The following GNG7 variants were observed in gnomAD, a reference collection of about 807,000 sequenced individuals.
GNG7 encodes the protein G protein subunit gamma 7, also known as guanine nucleotide-binding protein G(I)/G(S)/G(O) subunit gamma-7.
Under a neutral mutation model 4.0 loss-of-function variants are expected in GNG7, and 1 was observed. The ratio of observed to expected loss-of-function variants is 0.25; its 90% CI spans 0.09 to 1.18. The LOEUF is 1.18. Ranked by LOEUF, GNG7 falls within the 50% of genes most tolerant of loss-of-function variation. The pLI, the probability that GNG7 is intolerant of heterozygous loss-of-function variation, is 0.50. For synonymous variants in GNG7, 34 were observed against 36.9 expected (o/e 0.92, Z 0.29); for missense variants, 86 against 91.9 (o/e 0.94, Z 0.26).
chr19:2,644,382 A>ATATATATATAG lies in GNG7; in HGVS notation c.-78+1841_-78+1842insCTATATATATA, dbSNP rs1568272569. ...ATATATATATATATATATATATATA[A>ATATATATATAG]TGCTCTATCTATACATGCATCATGT... On this transcript the variant is annotated intron_variant, in intron 2 of 4. Transcript: ENST00000382159. Among the ~76,000 whole-genome samples, 20 of 109,184 alleles carry ATATATATATAG rather than the reference A, an allele frequency of 1.8e-4. 2 individuals carry two copies. Among genetic ancestry groups the ATATATATATAG allele is most frequent in the African/African-American group, 3.4e-4 (8 of 23,856 alleles). The allele number at this position is 109,184 out of a possible 152,430, so 71.6% of individuals were successfully genotyped here.
chr19:2,578,979 G>T (rs1980421937), intron 2 of GNG7, among the ~76,000 whole-genome samples: 1 of 152,206 alleles, frequency 6.6e-6, no homozygotes, highest in African/African-American at 2.4e-5. Flanking sequence ...CGCCAGACCT[G>T]CTTGTCTGTC....
At chr19:2,598,896 A>G (rs985822805) in intron 2 of GNG7, among the ~76,000 whole-genome samples, 1 of 152,150 alleles carries the variant, frequency 6.6e-6, no homozygotes, top group African/African-American at 2.4e-5. Flanking sequence ...TTCAGTTGAA[A>G]GAAATGGAAA....
At chr19:2,635,885 C>T (rs1982294844) in intron 2 of GNG7, among the ~76,000 whole-genome samples, 1 of 152,142 alleles carries the variant, frequency 6.6e-6, no homozygotes, top group South Asian at 2.1e-4. Context: ...GCCTGGCCAA[C>T]TTGGGGTGAT....
intron 2 of GNG7, chr19:2,610,165 T>G (rs1029055438): frequency 3.3e-5 from 5 of 150,646 alleles, no homozygotes; most frequent in African/African-American, 1.2e-4. Flanking sequence ...ATTATTAATT[T>G]TTTATTTTTT....
intron 2 of GNG7, among the ~76,000 whole-genome samples, chr19:2,636,397 A>G (rs1360349669): frequency 6.6e-6 from 1 of 152,106 alleles, no homozygotes; most frequent in Non-Finnish European, 1.5e-5. Context: ...CCTGAGGAGC[A>G]TGACATCTGG....
At chr19:2,589,420 A>G (rs1485401287) in intron 2 of GNG7, among the ~76,000 whole-genome samples, 3 of 120,536 alleles carry the variant, frequency 2.5e-5, no homozygotes, top group African/African-American at 3.2e-5. Context: ...GTGTTTTGCC[A>G]TGTTGAACAG....
chr19:2,702,015 T>C (rs1599468879), intron 1 of GNG7, among the ~76,000 whole-genome samples: 1 of 117,768 alleles, frequency 8.5e-6, no homozygotes. Context: ...GACCTCCAAT[T>C]CCACCACCAG....
Position 2,677,551 on chromosome 19 carries a change from T to A in GNG7, c.-135+25095A>T, listed in dbSNP as rs190226399. ...TGTTGACACCAGACACTAGAAAAAA[T>A]TCCCGATGGGGTGGATGGCAGAAAC... On this transcript the variant is annotated intron_variant, in intron 1 of 4. Coordinates refer to ENST00000382159, the MANE Select transcript of GNG7 (RefSeq NM_052847.3). Among the ~76,000 whole-genome samples, 439 of 151,922 alleles carry A rather than the reference T, an allele frequency of 2.9e-3. 3 individuals are homozygous for A. Among genetic ancestry groups the A allele is most frequent in the African/African-American group, 1.0e-2 (413 of 41,418 alleles).
intron 3 of GNG7, among the ~76,000 whole-genome samples, chr19:2,540,078 C>A (rs1978908336): frequency 7.4e-6 from 1 of 135,260 alleles, no homozygotes; most frequent in South Asian, 2.6e-4. Flanking sequence ...CCCTCCCTCT[C>A]TCTCTCTCTC....
intron 2 of GNG7, among the ~76,000 whole-genome samples, chr19:2,565,944 G>C (rs368654312): frequency 6.6e-6 from 1 of 152,132 alleles, no homozygotes; most frequent in Non-Finnish European, 1.5e-5. Flanking sequence ...GATCATCTGA[G>C]GTTAGGAGTT....
At chr19:2,664,895 G>A (rs555428790) in intron 1 of GNG7, among the ~76,000 whole-genome samples, 42 of 152,200 alleles carry the variant, frequency 2.8e-4, no homozygotes, top group African/African-American at 7.2e-4. Flanking sequence ...TTGTGACAAC[G>A]ACAAATGTCC....
intron 2 of GNG7, among the ~76,000 whole-genome samples, chr19:2,631,605 A>G (rs1459151413): frequency 6.6e-6 from 1 of 152,184 alleles, no homozygotes; most frequent in Admixed American, 6.5e-5. Flanking sequence ...GTGCCAATAA[A>G]ACTTTATTTA....
chr19:2,560,364 C>G (rs1052260042), intron 2 of GNG7, among the ~76,000 whole-genome samples: 7 of 152,222 alleles, frequency 4.6e-5, no homozygotes, highest in African/African-American at 1.7e-4. Flanking sequence ...CCCACCGGCC[C>G]CCAGGGTCGA....
At chr19:2,594,546 G>A (rs1175051972) in intron 2 of GNG7, among the ~76,000 whole-genome samples, 8 of 152,086 alleles carry the variant, frequency 5.3e-5, no homozygotes, top group Admixed American at 2.6e-4. Flanking sequence ...TCTGAGTGTC[G>A]TCACCTCCTG....
chr19:2,574,673 C>T (rs1017222188), intron 2 of GNG7, among the ~76,000 whole-genome samples: 6 of 152,180 alleles, frequency 3.9e-5, no homozygotes, highest in Admixed American at 6.5e-5. Context: ...GGAATCATGC[C>T]GCTGTGCACT....
intron 1 of GNG7, among the ~76,000 whole-genome samples, chr19:2,697,216 G>A (rs1913287703): frequency 6.6e-6 from 1 of 152,222 alleles, no homozygotes; most frequent in Non-Finnish European, 1.5e-5. Context: ...GTTATGAAGT[G>A]TAAATTATAC....
Position 2,511,783 on chromosome 19 carries a change from C to CCA in GNG7, c.*3238_*3239insTG. On this transcript the variant is annotated 3_prime_UTR_variant, in exon 5 of 5. Coordinates refer to ENST00000382159, the MANE Select transcript of GNG7 (RefSeq NM_052847.3). This position sits in a 1 kb window ranked among gnomAD's most constrained non-coding sequence, Gnocchi z 6.3. ...ACCTTCCGCCCTGGCCCAGCCGCCC[C>CCA]GTTTATGTCCCCAGAGGCCAGAGGT... 6.1e-6 allele frequency: 6 copies of CCA among 985,746 alleles called. No homozygotes were observed. The highest frequency in any genetic ancestry group is 7.2e-6 in the Non-Finnish European group (6 of 829,780). 61.1% of individuals were successfully genotyped at this position (985,746 alleles called of 1,614,324 possible).
At chr19:2,644,641 A>G (rs1982617845) in intron 2 of GNG7, among the ~76,000 whole-genome samples, 1 of 151,968 alleles carries the variant, frequency 6.6e-6, no homozygotes. Context: ...TGCCCCTCCC[A>G]GTCTCGGCAC....
At chr19:2,696,647 C>T (rs1311410973) in intron 1 of GNG7, among the ~76,000 whole-genome samples, 2 of 152,218 alleles carry the variant, frequency 1.3e-5, no homozygotes, top group South Asian at 2.1e-4. Flanking sequence ...GGTCGAGGCT[C>T]TGACGCAGGC....
Sources: allele counts gnomAD v4.1 joint callset (sites outside exome capture counted in the v4.1 genomes callset), GRCh38; gene constraint gnomAD v4.1.1; non-coding constraint Gnocchi (gnomAD v3.1); transcripts MANE v1.5; gene names NCBI Gene and HGNC (gene_info 2026-07-23, HGNC 2026-07-21).